VWC2L: variants seen among roughly 807,000 people sequenced by gnomAD.
VWC2L encodes von Willebrand factor C domain containing 2 like, also known as von Willebrand factor C domain-containing protein 2-like.
In VWC2L, 10 loss-of-function variants were observed where a neutral mutation model predicts 21.6. The ratio of observed to expected loss-of-function variants is 0.46; its 90% CI spans 0.29 to 0.78. The LOEUF is 0.78. VWC2L is among the 30% of genes least tolerant of loss of function. The pLI is 0.10. For synonymous variants in VWC2L, 96 were observed against 94.3 expected (o/e 1.02, Z -0.10); for missense variants, 209 against 277.1 (o/e 0.75, Z 1.74).
At position 214,436,694 on chromosome 2, in the gene VWC2L, C is replaced by T. The variant is rs765836475; in HGVS notation, c.456C>T (p.Cys152=). 11 of 1,613,388 alleles carry T rather than the reference C, an allele frequency of 6.8e-6. No individual in the cohort carries two copies. Among genetic ancestry groups the T allele is most frequent in the East Asian group, 4.5e-5 (2 of 44,872 alleles). Residue 152 remains cysteine, a synonymous_variant, in exon 3 of 4, where the codon TGC becomes TGT. Coordinates refer to ENST00000312504, the MANE Select transcript of VWC2L (RefSeq NM_001080500.4). ...AAGTTCACTGTGTTGTAGCAGACTGCGCAGTTCCTGAGTGTGTCAACCCAG... is the reference window on the plus strand; with the variant it reads ...AAGTTCACTGTGTTGTAGCAGACTGTGCAGTTCCTGAGTGTGTCAACCCAG... The part of the protein sequence containing the change: ...SNEVHCVVAD[C]AVPECVNPVY...
chr2:214,451,094 A>G (rs75480539), intron 3 of VWC2L, among the ~76,000 whole-genome samples: 336 of 152,188 alleles, frequency 2.2e-3, no homozygotes, highest in African/African-American at 7.8e-3. Flanking sequence ...CAGCATCAGT[A>G]TTAGGTAGAA....
chr2:214,495,988 T>A (rs1227933795), intron 3 of VWC2L, among the ~76,000 whole-genome samples: 1 of 152,140 alleles, frequency 6.6e-6, no homozygotes, highest in Non-Finnish European at 1.5e-5. Context: ...GTCCTTAGAC[T>A]ATTTCATCGC....
chr2:214,562,164 C>T (rs11683678), intron 3 of VWC2L, among the ~76,000 whole-genome samples: 104,403 of 151,784 alleles, frequency 0.69, 37,633 homozygotes, highest in East Asian at 0.83. Context: ...ACTACACCCC[C>T]CAACAGGCCC....
Position 214,436,703 on chromosome 2 carries a change from T to A in VWC2L, c.465T>A (p.Pro155=), listed in dbSNP as rs1033382235. The change falls in exon 3 of 4, where the codon CCT becomes CCA. Residue 155 remains proline (P), a synonymous_variant. Transcript: ENST00000312504. ...GTGTTGTAGCAGACTGCGCAGTTCC[T>A]GAGTGTGTCAACCCAGTCTATGAAC... ...VHCVVADCAV[P]ECVNPVYEPE... 6.2e-7 allele frequency: 1 copy of A among 1,613,428 alleles called. No individual in the cohort carries two copies. Among genetic ancestry groups the A allele is most frequent in the Non-Finnish European group, 8.5e-7 (1 of 1,179,476 alleles).
intron 1 of VWC2L, among the ~76,000 whole-genome samples, chr2:214,413,018 G>C (rs887218509): frequency 1.3e-5 from 2 of 151,966 alleles, no homozygotes; most frequent in African/African-American, 4.8e-5. Flanking sequence ...ATTTAAATAA[G>C]AGCCCACTCC....
At chr2:214,521,181 C>T (rs765515677) in intron 3 of VWC2L, among the ~76,000 whole-genome samples, 36 of 151,528 alleles carry the variant, frequency 2.4e-4, no homozygotes, top group Admixed American at 5.9e-4. Context: ...GTGGAGATCG[C>T]GCCACTGCAC....
At chr2:214,561,067 T>C (rs1367318355) in intron 3 of VWC2L, among the ~76,000 whole-genome samples, 1 of 152,232 alleles carries the variant, frequency 6.6e-6, no homozygotes, top group Non-Finnish European at 1.5e-5. Flanking sequence ...AGGCACTGCC[T>C]TATTCTAAAG....
chr2:214,530,964 A>G (rs1327438648), intron 3 of VWC2L, among the ~76,000 whole-genome samples: 1 of 152,192 alleles, frequency 6.6e-6, no homozygotes, highest in Non-Finnish European at 1.5e-5. Context: ...AAATTCAGCA[A>G]TGTCAACAAT....
chr2:214,491,994 T>C (rs1013956665), intron 3 of VWC2L, among the ~76,000 whole-genome samples: 1 of 152,212 alleles, frequency 6.6e-6, no homozygotes, highest in Non-Finnish European at 1.5e-5. Context: ...GCATTGTTTT[T>C]ATTTGACACT....
chr2:214,513,940 A>G (rs1411087351), intron 3 of VWC2L, among the ~76,000 whole-genome samples: 2 of 152,136 alleles, frequency 1.3e-5, no homozygotes, highest in Middle Eastern at 3.2e-3. Flanking sequence ...AGTTCAGTCA[A>G]CAAGTTGAAA....
rs1035407472 is a variant in VWC2L at position 214,414,026 on chromosome 2, A to AT, written c.-80-87dup. ...TTGAGGACTTAGTATCTTCAAATTG[A>AT]TCCCAAACAGTTTAAGAGCGTGGGC... On this transcript the variant is annotated intron_variant, in intron 1 of 3. Transcript: ENST00000312504. 395 of 717,124 alleles carry AT rather than the reference A, an allele frequency of 5.5e-4. 1 individual carries two copies. The highest frequency in any genetic ancestry group is 5.6e-4 in the Non-Finnish European group (259 of 465,328). 44.4% of individuals were successfully genotyped at this position (717,124 alleles called of 1,614,324 possible). A position where few individuals can be genotyped will look rare whatever the true frequency, so the allele number is the denominator to read the frequency against.
intron 3 of VWC2L, among the ~76,000 whole-genome samples, chr2:214,571,589 CA>C (rs993541520): frequency 6.6e-6 from 1 of 152,106 alleles, no homozygotes; most frequent in Non-Finnish European, 1.5e-5. Flanking sequence ...TTCAGTTAAA[CA>C]AATTTATACT....
intron 3 of VWC2L, among the ~76,000 whole-genome samples, chr2:214,505,398 C>CT (rs1398805745): frequency 1.3e-5 from 2 of 152,092 alleles, no homozygotes; most frequent in African/African-American, 4.8e-5. Context: ...AATTTGTTCT[C>CT]TTTTTTGCAG....
intron 3 of VWC2L, among the ~76,000 whole-genome samples, chr2:214,463,777 G>T (rs1386606231): frequency 6.6e-6 from 1 of 151,962 alleles, no homozygotes; most frequent in Non-Finnish European, 1.5e-5. Context: ...CCTTGTAAAG[G>T]CCTATAATGC....
chr2:214,443,877 A>T (rs535253931), intron 3 of VWC2L, among the ~76,000 whole-genome samples: 1 of 152,150 alleles, frequency 6.6e-6, no homozygotes, highest in African/African-American at 2.4e-5. Context: ...ATTGGAAAGA[A>T]GGAGGTAAAA....
chr2:214,504,120 A>G (rs1327927444), intron 3 of VWC2L, among the ~76,000 whole-genome samples: 2 of 152,256 alleles, frequency 1.3e-5, no homozygotes, highest in Non-Finnish European at 2.9e-5. Flanking sequence ...TGACTAAAGT[A>G]CTAAACAAAA....
At chr2:214,458,474 TG>T (rs1703088988) in intron 3 of VWC2L, among the ~76,000 whole-genome samples, 2 of 152,102 alleles carry the variant, frequency 1.3e-5, no homozygotes, top group Admixed American at 1.3e-4. Context: ...ATACTCATTT[TG>T]GGTTTTGTTT....
chr2:214,431,048 T>C (rs1020440267), intron 2 of VWC2L, among the ~76,000 whole-genome samples: 1 of 152,178 alleles, frequency 6.6e-6, no homozygotes, highest in Non-Finnish European at 1.5e-5. Context: ...TTTTAGACAA[T>C]TGTGAATTTT....
At chr2:214,462,088 C>T (rs1424186665) in intron 3 of VWC2L, among the ~76,000 whole-genome samples, 2 of 152,154 alleles carry the variant, frequency 1.3e-5, no homozygotes, top group Non-Finnish European at 2.9e-5. Flanking sequence ...GCTATTGGGG[C>T]CCAGAGCAGG....
Sources: allele counts gnomAD v4.1 joint callset (sites outside exome capture counted in the v4.1 genomes callset), GRCh38; gene constraint gnomAD v4.1.1; transcripts MANE v1.5; gene names NCBI Gene and HGNC (gene_info 2026-07-23, HGNC 2026-07-21).